TAF4B: variants seen among roughly 807,000 people sequenced by gnomAD.
The protein encoded by TAF4B is TATA-box binding protein associated factor 4b, also known as transcription initiation factor TFIID subunit 4B.
TAF4B carries 38 observed loss-of-function variants against 86.4 expected under a neutral mutation model. The ratio of observed to expected loss-of-function variants is 0.44; its 90% CI spans 0.34 to 0.58. TAF4B has a LOEUF of 0.58. Among genes scored for constraint, TAF4B ranks in the 20% least tolerant of loss-of-function variants. The probability of loss-of-function intolerance (pLI) is 0.02; values close to 1 mark genes in which losing one functional copy is unlikely to be tolerated. For missense variants in TAF4B, 988 were observed against 1,027.6 expected (o/e 0.96, Z 0.53); for synonymous variants, 388 against 391.2 (o/e 0.99, Z 0.10).
At chr18:26,329,299 C>G (rs2057033297) in intron 12 of TAF4B, among the ~76,000 whole-genome samples, 1 of 152,182 alleles carries the variant, frequency 6.6e-6, no homozygotes, top group Admixed American at 6.5e-5. Flanking sequence ...TCAAGCAGTC[C>G]TCCTGCCTCA....
intron 3 of TAF4B, among the ~76,000 whole-genome samples, chr18:26,270,382 G>A (rs1002030463): frequency 4.6e-5 from 7 of 152,118 alleles, no homozygotes; most frequent in East Asian, 1.9e-4. Context: ...CTGAATATTC[G>A]TTGAAGTCTT....
At chr18:26,283,080 G>A (rs1238488946) in intron 6 of TAF4B, among the ~76,000 whole-genome samples, 1 of 152,148 alleles carries the variant, frequency 6.6e-6, no homozygotes, top group African/African-American at 2.4e-5. Context: ...CCATGAGGAT[G>A]GGGATCCACT....
At chr18:26,316,370 A>G (rs1415630825) in intron 10 of TAF4B, among the ~76,000 whole-genome samples, 1 of 150,150 alleles carries the variant, frequency 6.7e-6, no homozygotes, top group Admixed American at 6.7e-5. Context: ...ATAAATGACC[A>G]GGGTTTTCTT....
At position 26,304,755 on chromosome 18, in the gene TAF4B, AC is replaced by A. The variant is rs1486090309; in HGVS notation, c.1833-10472del. On this transcript the variant is annotated intron_variant, in intron 9 of 14. Transcript: ENST00000269142. ...ATGCTTATTGCTGATTTTTACTGACACCTTTTTTTTAACAGGTCCTGTGAAC... is the reference window on the plus strand; with the variant it reads ...ATGCTTATTGCTGATTTTTACTGACACTTTTTTTTAACAGGTCCTGTGAAC... 2.3e-5 allele frequency: 23 copies of A among 985,050 alleles called. No homozygotes were observed. The African/African-American group carries it at 4.0e-4, about 17-fold the overall frequency. The allele number at this position is 985,050 out of a possible 1,614,324, so 61.0% of individuals were successfully genotyped here.
At position 26,315,362 on chromosome 18, in the gene TAF4B, T is replaced by C. The variant is rs1196954540; in HGVS notation, c.1966T>C (p.Phe656Leu). Residue 656 changes from phenylalanine (F) to leucine (L), a missense_variant, in exon 10 of 15, where the codon TTT becomes CTT. Around this residue, in one of 3 missense-constraint regions of TAF4B, gnomAD observed 216 missense variants for 238.4 expected, o/e 0.91. Coordinates refer to ENST00000269142, the MANE Select transcript of TAF4B (RefSeq NM_005640.3). ...GTCATGTAAAGATGAACCATTTCTTTTTATTGGAGCTCTACAAAAGAGAAT... is the reference window on the plus strand; with the variant it reads ...GTCATGTAAAGATGAACCATTTCTTCTTATTGGAGCTCTACAAAAGAGAAT... ...IQSCKDEPFL[F>L]IGALQKRILD... The C allele has an allele frequency of 1.9e-6, 3 of 1,613,514 alleles. No individual in the cohort carries two copies. In the East Asian group the frequency reaches 6.7e-5, roughly 36 times the overall value.
chr18:26,242,162 T>G (rs954647016), intron 1 of TAF4B, among the ~76,000 whole-genome samples: 3 of 152,350 alleles, frequency 2.0e-5, no homozygotes, highest in African/African-American at 7.2e-5. Context: ...GTCTCGTTGA[T>G]CTGTCTAATG....
At chr18:26,251,508 A>G (rs996254619) in intron 1 of TAF4B, among the ~76,000 whole-genome samples, 3 of 152,150 alleles carry the variant, frequency 2.0e-5, no homozygotes, top group African/African-American at 7.2e-5. Context: ...GCTGAAGGGT[A>G]GAATATGTAA....
chr18:26,351,250 T>G (rs2057243429), intron 13 of TAF4B, among the ~76,000 whole-genome samples: 1 of 151,990 alleles, frequency 6.6e-6, no homozygotes, highest in Non-Finnish European at 1.5e-5. Context: ...TTATGTTAAG[T>G]AAAGTATTCC....
intron 7 of TAF4B, among the ~76,000 whole-genome samples, chr18:26,290,085 A>C (rs1345361511): frequency 6.6e-6 from 1 of 152,214 alleles, no homozygotes; most frequent in Non-Finnish European, 1.5e-5. Flanking sequence ...ATGGGAATAC[A>C]GGTGCCATAG....
intron 6 of TAF4B, among the ~76,000 whole-genome samples, chr18:26,282,598 G>C (rs1224105638): frequency 1.3e-5 from 2 of 152,160 alleles, no homozygotes; most frequent in African/African-American, 4.8e-5. Context: ...ATGACTTTTT[G>C]CTGGTCAAGG....
chr18:26,281,135 T>A (rs1568124989), intron 5 of TAF4B, among the ~76,000 whole-genome samples: 1 of 152,156 alleles, frequency 6.6e-6, no homozygotes, highest in African/African-American at 2.4e-5. Flanking sequence ...CACTGGGAAC[T>A]ACTAGAAAGT....
At chr18:26,250,905 A>G (rs933602885) in intron 1 of TAF4B, among the ~76,000 whole-genome samples, 1 of 152,224 alleles carries the variant, frequency 6.6e-6, no homozygotes, top group East Asian at 1.9e-4. Flanking sequence ...GAGATATACC[A>G]TAACTAATAG....
At chr18:26,335,506 TA>T (rs576708532) in intron 13 of TAF4B, among the ~76,000 whole-genome samples, 2 of 151,534 alleles carry the variant, frequency 1.3e-5, no homozygotes, top group Non-Finnish European at 2.9e-5. Context: ...TGTGAGATTT[TA>T]AAAAAAAAGA....
At chr18:26,367,316 G>A (rs2057378619) in intron 14 of TAF4B, among the ~76,000 whole-genome samples, 1 of 152,222 alleles carries the variant, frequency 6.6e-6, no homozygotes, top group African/African-American at 2.4e-5. Context: ...AAACAGGGGA[G>A]TCAATGGTGT....
At chr18:26,360,095 G>C (rs1025345407) in intron 14 of TAF4B, among the ~76,000 whole-genome samples, 1 of 151,968 alleles carries the variant, frequency 6.6e-6, no homozygotes, top group African/African-American at 2.4e-5. Flanking sequence ...TCATCCCTCA[G>C]ATTATTTTAA....
At chr18:26,296,914 T>C (rs1585679) in intron 9 of TAF4B, among the ~76,000 whole-genome samples, 7,849 of 30,966 alleles carry the variant, frequency 0.25, 625 homozygotes, top group African/African-American at 0.33. Context: ...CCGAGGCAGG[T>C]GGATCACTTG....
At chr18:26,293,931 C>T (rs971465996) in intron 9 of TAF4B, among the ~76,000 whole-genome samples, 5 of 152,100 alleles carry the variant, frequency 3.3e-5, no homozygotes, top group African/African-American at 1.2e-4. Context: ...GACTTTTTTA[C>T]TCAACATGTT....
chr18:26,275,075 T>A, intron 5 of TAF4B, 22 bp downstream of exon 5: 1 of 1,586,960 alleles, frequency 6.3e-7, no homozygotes, highest in Non-Finnish European at 8.5e-7. Context: ...TATAAAATCC[T>A]GCAAATTCTG....
chr18:26,351,183 C>A (rs1485814332), intron 13 of TAF4B, among the ~76,000 whole-genome samples: 1 of 151,866 alleles, frequency 6.6e-6, no homozygotes, highest in Non-Finnish European at 1.5e-5. Flanking sequence ...TACTATACAG[C>A]CATAAAAAAG....
Sources: allele counts gnomAD v4.1 joint callset (sites outside exome capture counted in the v4.1 genomes callset), GRCh38; gene constraint gnomAD v4.1.1; regional missense constraint gnomAD v4.1.1; transcripts MANE v1.5; gene names NCBI Gene and HGNC (gene_info 2026-07-23, HGNC 2026-07-21).